SLCO3A1: variants seen among roughly 807,000 people sequenced by gnomAD.
SLCO3A1 encodes the protein solute carrier organic anion transporter family member 3A1.
A neutral mutation model predicts 63.1 loss-of-function variants in SLCO3A1; 27 were observed. The ratio of observed to expected loss-of-function variants is 0.43; its 90% CI spans 0.32 to 0.59. The LOEUF is 0.59. Among genes scored for constraint, SLCO3A1 ranks in the 20% least tolerant of loss-of-function variants. The pLI, the probability that SLCO3A1 is intolerant of heterozygous loss-of-function variation, is 0.09. For synonymous variants in SLCO3A1, 473 were observed against 409.9 expected (o/e 1.15, Z -1.86); for missense variants, 773 against 945.8 (o/e 0.82, Z 2.40).
At chr15:92,169,985 G>C (rs2048512754), downstream of SLCO3A1, among the ~76,000 whole-genome samples, 1 of 152,144 alleles carries the variant, frequency 6.6e-6, no homozygotes, top group Admixed American at 6.5e-5. Flanking sequence ...CATAAATTTT[G>C]AATTTTTGTC....
chr15:91,940,735 C>G (rs745779628), intron 2 of SLCO3A1, among the ~76,000 whole-genome samples: 8 of 152,196 alleles, frequency 5.3e-5, no homozygotes, highest in Non-Finnish European at 1.0e-4. Flanking sequence ...CAGGGGCATC[C>G]TCCACAACCC....
At position 91,896,958 on chromosome 15, in the gene SLCO3A1, G is replaced by A. The variant is rs77664999; in HGVS notation, c.181-19035G>A. On this transcript the variant is annotated intron_variant, in intron 1 of 9. Coordinates refer to ENST00000318445, the MANE Select transcript of SLCO3A1 (RefSeq NM_013272.4). ...AGGTATTGTGGGCTTTTAGGAGCCA[G>A]ACAGTCCTGGGTGAAACCTGTCTCT... Among the ~76,000 whole-genome samples the A allele has an allele frequency of 4.9e-3, 746 of 152,310 alleles. 2 individuals are homozygous for A. The highest frequency in any genetic ancestry group is 0.015 in the African/African-American group (636 of 41,564).
At position 91,942,623 on chromosome 15, in the gene SLCO3A1, G is replaced by T. The variant is rs911782292; in HGVS notation, c.646+26165G>T. On this transcript the variant is annotated intron_variant, in intron 2 of 9. Coordinates refer to ENST00000318445, the MANE Select transcript of SLCO3A1 (RefSeq NM_013272.4). This position sits in a 1 kb window ranked among gnomAD's most constrained non-coding sequence, Gnocchi z 4.1. ...TTTCGAGACCGAGTCTTGCTCTGTC[G>T]ACCAGGCTGGATTGCAGTGGCCCAA... Among the ~76,000 whole-genome samples, 5 of 152,096 alleles carry T rather than the reference G, an allele frequency of 3.3e-5. No individual in the cohort carries two copies. The highest frequency in any genetic ancestry group is 2.6e-4 in the Admixed American group (4 of 15,278).
At chr15:92,066,063 A>G (rs1212707446) in intron 2 of SLCO3A1, among the ~76,000 whole-genome samples, 1 of 152,226 alleles carries the variant, frequency 6.6e-6, no homozygotes, top group African/African-American at 2.4e-5. Context: ...GCCACCCTCC[A>G]TCCTTCCTGT....
At chr15:92,123,485 C>T (rs568359910) in intron 5 of SLCO3A1, among the ~76,000 whole-genome samples, 143 of 152,246 alleles carry the variant, frequency 9.4e-4, no homozygotes, top group Non-Finnish European at 1.5e-3. Context: ...CCACCCCTCT[C>T]CCTGGGAACT....
chr15:92,156,589 TTAAGAAAAG>T (rs908600422), intron 9 of SLCO3A1, among the ~76,000 whole-genome samples: 1 of 152,220 alleles, frequency 6.6e-6, no homozygotes, highest in African/African-American at 2.4e-5. Context: ...ACTCTCCAGT[TTAAGAAAAG>T]TAAATGTCAG....
Position 92,093,371 on chromosome 15 carries a change from G to T in SLCO3A1, c.647-1510G>T, listed in dbSNP as rs1035432572. Among the ~76,000 whole-genome samples, 4 of 152,260 alleles carry T rather than the reference G, an allele frequency of 2.6e-5. No individual in the cohort carries two copies. The South Asian group carries it at 8.3e-4, about 32-fold the overall frequency. On this transcript the variant is annotated intron_variant, in intron 2 of 9. Transcript: ENST00000318445. ...AGATTCCTTTAAACAATCAGATCTTGTGTGAACTGAGTGAGAGCACACCCA... is the reference window on the plus strand; with the variant it reads ...AGATTCCTTTAAACAATCAGATCTTTTGTGAACTGAGTGAGAGCACACCCA...
intron 2 of SLCO3A1, among the ~76,000 whole-genome samples, chr15:92,006,251 T>C (rs1046617637): frequency 6.6e-6 from 1 of 152,198 alleles, no homozygotes; most frequent in African/African-American, 2.4e-5. Flanking sequence ...GAGCAGGGCC[T>C]GTTCGCCATC....
At chr15:92,014,127 C>T (rs550026179) in intron 2 of SLCO3A1, among the ~76,000 whole-genome samples, 37 of 152,196 alleles carry the variant, frequency 2.4e-4, no homozygotes, top group African/African-American at 7.2e-4. Flanking sequence ...TCCTTTGTCT[C>T]GGCTGGCACC....
Position 91,882,277 on chromosome 15 carries a change from T to G in SLCO3A1, c.180+28189T>G, listed in dbSNP as rs973366744. Among the ~76,000 whole-genome samples, 10 of 152,166 alleles carry G rather than the reference T, an allele frequency of 6.6e-5. No homozygotes were observed. The highest frequency in any genetic ancestry group is 2.4e-5 in the African/African-American group (1 of 41,436). ...TCCCTTCTCAAGCACGCAGTCAGGATGTGCATTTGCTGAGTGGAATTGTGG... is the reference window on the plus strand; with the variant it reads ...TCCCTTCTCAAGCACGCAGTCAGGAGGTGCATTTGCTGAGTGGAATTGTGG... On this transcript the variant is annotated intron_variant, in intron 1 of 9. Coordinates refer to ENST00000318445, the MANE Select transcript of SLCO3A1 (RefSeq NM_013272.4). The surrounding 1 kb of genome is among the most constrained non-coding windows in gnomAD (Gnocchi z 4.4).
chr15:91,932,658 G>A (rs1899276933), intron 2 of SLCO3A1, among the ~76,000 whole-genome samples: 1 of 152,180 alleles, frequency 6.6e-6, no homozygotes, highest in Non-Finnish European at 1.5e-5. Context: ...GGCCAGGCTG[G>A]TCTCAAACTC....
chr15:92,064,043 C>T (rs1411722107), intron 2 of SLCO3A1, among the ~76,000 whole-genome samples: 2 of 152,140 alleles, frequency 1.3e-5, no homozygotes, highest in African/African-American at 2.4e-5. Flanking sequence ...AGTGACTGAG[C>T]ATAAGTTAAC....
chr15:92,096,081 G>A (rs1256041332), intron 3 of SLCO3A1, among the ~76,000 whole-genome samples: 1 of 152,162 alleles, frequency 6.6e-6, no homozygotes, highest in Non-Finnish European at 1.5e-5. Context: ...GCTTCACTGG[G>A]CAGTTCTAGC....
intron 2 of SLCO3A1, among the ~76,000 whole-genome samples, chr15:92,026,401 G>A (rs1242647421): frequency 6.6e-6 from 1 of 152,192 alleles, no homozygotes; most frequent in Non-Finnish European, 1.5e-5. Flanking sequence ...AGCAGGTGGT[G>A]GTATGTTTAA....
At chr15:91,971,100 A>G (rs950754403) in intron 2 of SLCO3A1, among the ~76,000 whole-genome samples, 6 of 152,152 alleles carry the variant, frequency 3.9e-5, no homozygotes, top group African/African-American at 4.8e-5. Flanking sequence ...GCTGAGGTCA[A>G]ACAAGGTGAC....
intron 2 of SLCO3A1, among the ~76,000 whole-genome samples, chr15:91,953,346 T>C (rs973575186): frequency 1.3e-5 from 2 of 152,176 alleles, no homozygotes; most frequent in Admixed American, 6.5e-5. Context: ...GCCTCTGCCC[T>C]CGAGGAGCTT....
intron 2 of SLCO3A1, among the ~76,000 whole-genome samples, chr15:91,935,487 A>G (rs1899378786): frequency 1.3e-5 from 2 of 152,198 alleles, no homozygotes; most frequent in Non-Finnish European, 2.9e-5. Context: ...TTCAGCACTC[A>G]GCCCACCCCT....
In SLCO3A1 at chr15:92,026,909, T is replaced by C. The variant is rs141430939; in HGVS notation, c.647-67972T>C. ...TTCAAGACCAGCCTGGCCAACATGG[T>C]GAAACCCCATCTCTACTAAAAATAC... On this transcript the variant is annotated intron_variant, in intron 2 of 9. Coordinates refer to ENST00000318445, the MANE Select transcript of SLCO3A1 (RefSeq NM_013272.4). Among the ~76,000 whole-genome samples the C allele has an allele frequency of 8.8e-3, 1,344 of 152,176 alleles. 16 individuals are homozygous for C. The highest frequency in any genetic ancestry group is 0.03 in the African/African-American group (1,230 of 41,534).
chr15:92,004,125 C>T lies in SLCO3A1; in HGVS notation c.646+87667C>T, dbSNP rs1028224893. ...GGAGAGGCTCTCTGGGGTAGGGCTT[C>T]GTAAGTATCAGCTTTAACATGCTCC... On this transcript the variant is annotated intron_variant, in intron 2 of 9. Transcript: ENST00000318445. 2.6e-5 allele frequency among the ~76,000 whole-genome samples: 4 copies of T among 152,104 alleles called. No homozygotes were observed. The South Asian group carries it at 6.2e-4, about 24-fold the overall frequency.
Sources: gnomAD v4.1 joint callset for allele counts (sites outside exome capture counted in the v4.1 genomes callset) on GRCh38, gnomAD v4.1.1 for gene constraint, Gnocchi (gnomAD v3.1) non-coding constraint, MANE v1.5 for transcripts, NCBI Gene and HGNC (gene_info 2026-07-23, HGNC 2026-07-21) for gene names.